Variants in LRPPRC observed in about 807,000 individuals in gnomAD.
LRPPRC encodes the protein leucine-rich PPR motif-containing protein, mitochondrial.
A neutral mutation model predicts 180.3 loss-of-function variants in LRPPRC; 120 were observed. The observed-to-expected ratio is 0.67, with a 90% CI of 0.57 to 0.77. The LOEUF is 0.77. Among genes scored for constraint, LRPPRC ranks in the 30% least tolerant of loss-of-function variants. The probability of loss-of-function intolerance (pLI) is 0.00; values close to 1 mark genes in which losing one functional copy is unlikely to be tolerated. For synonymous variants in LRPPRC, 723 were observed against 600.0 expected, an observed-to-expected ratio of 1.21 and a Z score of -3.00; for missense variants, 2,012 against 1,657.2, an observed-to-expected ratio of 1.21 and a Z score of -3.72.
intron 25 of LRPPRC, among the ~76,000 whole-genome samples, chr2:43,930,142 CA>C (rs1572933563): frequency 6.6e-6 from 1 of 152,094 alleles, no homozygotes; most frequent in East Asian, 1.9e-4. Context: ...GGTCTTAAAT[CA>C]AAAGCCATCA....
Position 43,918,228 on chromosome 2 carries a change from C to A in LRPPRC, c.3039+28G>T, listed in dbSNP as rs761199432. ...AACCTAATTATACTGACAACAAAAT[C>A]TGTTACGATTATGCCAAAAACAATT... On this transcript the variant is annotated intron_variant, in intron 28 of 37. Transcript: ENST00000260665. 1.9e-6 allele frequency: 3 copies of A among 1,611,004 alleles called. No homozygotes were observed. In the Admixed American group the frequency reaches 5.0e-5, roughly 27 times the overall value.
intron 25 of LRPPRC, among the ~76,000 whole-genome samples, chr2:43,928,769 A>C (rs1413225291): frequency 6.6e-6 from 1 of 152,064 alleles, no homozygotes; most frequent in African/African-American, 2.4e-5. Flanking sequence ...CTCTTAAAAA[A>C]AAAAGAAAAC....
chr2:43,982,275 C>T lies in LRPPRC; in HGVS notation c.309G>A (p.Lys103=), dbSNP rs1674343848. ...SVRRTGRIPK[K]LLQKVFNDTC... Reference sequence around the variant, plus strand: ...TATCATTAAAAACTTTTTGTAGAAGCTTCTTTGGAATGCGGCCAGTTCTTC... The same window carrying T: ...TATCATTAAAAACTTTTTGTAGAAGTTTCTTTGGAATGCGGCCAGTTCTTC... The change falls in exon 2 of 38, where the codon AAG becomes AAA. Residue 103 remains lysine, a synonymous_variant. Coordinates refer to ENST00000260665, the MANE Select transcript of LRPPRC (RefSeq NM_133259.4). 2 of 1,575,542 alleles carry T rather than the reference C, an allele frequency of 1.3e-6. No individual in the cohort carries two copies. Among genetic ancestry groups the T allele is most frequent in the African/African-American group, 1.4e-5 (1 of 72,704 alleles).
Position 43,918,298 on chromosome 2 carries a change from G to C in LRPPRC, c.2997C>G (p.Ile999Met), listed in dbSNP as rs1278542435. The change falls in exon 28 of 38, where the codon ATC (isoleucine) becomes ATG (methionine). Residue 999 changes from isoleucine to methionine, a missense_variant. Transcript: ENST00000260665. Reference sequence around the variant, plus strand: ...GAACTTCCTGGTTACCCTCTCTAAGGATTTCTGCTAATAATCTTAATGTCT... The same window carrying C: ...GAACTTCCTGGTTACCCTCTCTAAGCATTTCTGCTAATAATCTTAATGTCT... ...REKTLRLLAE[I>M]LREGNQEVPF... 1 of 1,612,240 alleles carries C rather than the reference G, an allele frequency of 6.2e-7. No individual in the cohort carries two copies. The highest frequency in any genetic ancestry group is 8.5e-7 in the Non-Finnish European group (1 of 1,178,406).
Position 43,922,556 on chromosome 2 carries a change from G to A in LRPPRC, c.2896+2511C>T, listed in dbSNP as rs185957205. Among the ~76,000 whole-genome samples the A allele has an allele frequency of 2.6e-4, 40 of 152,252 alleles. No individual in the cohort carries two copies. In the East Asian group the frequency reaches 3.3e-3, roughly 13 times the overall value. On this transcript the variant is annotated intron_variant, in intron 27 of 37. Coordinates refer to ENST00000260665, the MANE Select transcript of LRPPRC (RefSeq NM_133259.4). ...GGGTGGATCACAAGGTCAGGAGTTCGAGACCATCCTGGCTAACACAGTGAA... is the reference window on the plus strand; with the variant it reads ...GGGTGGATCACAAGGTCAGGAGTTCAAGACCATCCTGGCTAACACAGTGAA...
intron 23 of LRPPRC, among the ~76,000 whole-genome samples, chr2:43,939,759 T>C (rs1013070465): frequency 1.3e-5 from 2 of 152,244 alleles, no homozygotes; most frequent in Admixed American, 1.3e-4. Flanking sequence ...GAAGGCTTTG[T>C]AATTTCCCTA....
Position 43,898,298 on chromosome 2 carries a change from T to C in LRPPRC, c.3825+921A>G, listed in dbSNP as rs537225319. Among the ~76,000 whole-genome samples, 4 of 152,274 alleles carry C rather than the reference T, an allele frequency of 2.6e-5. No homozygotes were observed. The East Asian group carries it at 7.7e-4, about 29-fold the overall frequency. On this transcript the variant is annotated intron_variant, in intron 34 of 37. Coordinates refer to ENST00000260665, the MANE Select transcript of LRPPRC (RefSeq NM_133259.4). The stretch of plus-strand genomic sequence containing the variant: ...CTAGATGAACTTGAAGAATAAAAAC[T>C]GGAGGTCAAGCACATGGGTAGTTTT...
chr2:43,912,704 C>T (rs1451323860), intron 29 of LRPPRC, 146 bp from the exon 30 acceptor site: 4 of 635,608 alleles, frequency 6.3e-6, no homozygotes, highest in Non-Finnish European at 1.1e-5. Flanking sequence ...GAGAGACACA[C>T]TGACATAATT....
chr2:43,974,161 TCA>T lies in LRPPRC; in HGVS notation c.1142_1143del (p.Val381AspfsTer14), dbSNP rs1673945046. 6.2e-7 allele frequency: 1 copy of T among 1,613,602 alleles called. No homozygotes were observed. The highest frequency in any genetic ancestry group is 1.3e-5 in the African/African-American group (1 of 74,936). On this transcript the variant is annotated frameshift_variant, in exon 9 of 38. Coordinates refer to ENST00000260665, the MANE Select transcript of LRPPRC (RefSeq NM_133259.4). LOFTEE classifies it high-confidence loss of function. Reference protein sequence around the residue: ...VFGSFFLQHCVTMNTPVEKLT... With the variant: ...VFGSFFLQHCXTMNTPVEKLT... ...AGTGGACAGAATACCGTATTCATAG[TCA>T]CACAGTGTTGTAAAAAGAAACTGCC...
At chr2:43,969,423 A>G (rs998235059) in intron 11 of LRPPRC, among the ~76,000 whole-genome samples, 1 of 151,896 alleles carries the variant, frequency 6.6e-6, no homozygotes, top group African/African-American at 2.4e-5. Flanking sequence ...AAAAAAAAAA[A>G]AGAAACCAAG....
chr2:43,980,063 G>A, intron 2 of LRPPRC, 115 bp from the exon 3 acceptor site: 1 of 988,162 alleles, frequency 1.0e-6, no homozygotes, highest in African/African-American at 1.6e-5. Context: ...CTCAAACTGA[G>A]AGTAACCATA....
rs182344270 is a variant in LRPPRC at position 43,964,959 on chromosome 2, C to T, written c.1370-1253G>A. ...TATTCACGAGGCTGATGCAGGAGGA[C>T]TGCTTGAGCCCAGGAGGTCAAGTCC... On this transcript the variant is annotated intron_variant, in intron 11 of 37. Coordinates refer to ENST00000260665, the MANE Select transcript of LRPPRC (RefSeq NM_133259.4). 9.2e-5 allele frequency among the ~76,000 whole-genome samples: 14 copies of T among 152,294 alleles called. No homozygotes were observed. The East Asian group carries it at 2.5e-3, about 27-fold the overall frequency.
intron 20 of LRPPRC, among the ~76,000 whole-genome samples, chr2:43,946,909 C>G (rs1214295170): frequency 6.6e-6 from 1 of 152,000 alleles, no homozygotes; most frequent in Non-Finnish European, 1.5e-5. Context: ...GCATTAACAA[C>G]CTAGTAATAT....
intron 11 of LRPPRC, among the ~76,000 whole-genome samples, chr2:43,968,971 T>C (rs1426792470): frequency 2.6e-5 from 4 of 152,236 alleles, no homozygotes; most frequent in Non-Finnish European, 5.9e-5. Context: ...CAGGACACAA[T>C]GTACCTGTAT....
At chr2:43,988,379 A>G (rs1674626421) in intron 1 of LRPPRC, among the ~76,000 whole-genome samples, 1 of 151,942 alleles carries the variant, frequency 6.6e-6, no homozygotes. Context: ...TCTACTAAAA[A>G]TACAAACTTA....
chr2:43,954,153 C>T (rs1267948943), intron 14 of LRPPRC, among the ~76,000 whole-genome samples: 3 of 152,130 alleles, frequency 2.0e-5, no homozygotes, highest in Non-Finnish European at 4.4e-5. Context: ...AGATCTTATC[C>T]TTACATTTCT....
intron 11 of LRPPRC, among the ~76,000 whole-genome samples, chr2:43,972,694 G>T (rs1486445540): frequency 6.6e-6 from 1 of 152,170 alleles, no homozygotes; most frequent in Admixed American, 6.5e-5. Context: ...GGGAATACTT[G>T]TTTCACTATT....
intron 11 of LRPPRC, among the ~76,000 whole-genome samples, chr2:43,971,655 C>T (rs1406675500): frequency 6.6e-6 from 1 of 151,880 alleles, no homozygotes; most frequent in Non-Finnish European, 1.5e-5. Flanking sequence ...CACAGCACAT[C>T]CTCCATCACT....
intron 23 of LRPPRC, among the ~76,000 whole-genome samples, chr2:43,939,266 A>T (rs1384221686): frequency 1.3e-5 from 2 of 151,956 alleles, no homozygotes; most frequent in Non-Finnish European, 2.9e-5. Context: ...GGGAGACAGC[A>T]AGACTCCGTC....
Sources: gnomAD v4.1 joint callset for allele counts (sites outside exome capture counted in the v4.1 genomes callset) on GRCh38, gnomAD v4.1.1 for gene constraint, MANE v1.5 for transcripts, NCBI Gene and HGNC (gene_info 2026-07-23, HGNC 2026-07-21) for gene names.